The following ROPN1 variants were observed in gnomAD, a reference collection of about 807,000 sequenced individuals.
The protein encoded by ROPN1 is ropporin-1A.
ROPN1 carries 14 observed loss-of-function variants against 20.5 expected under a neutral mutation model. The ratio of observed to expected loss-of-function variants is 0.68; its 90% CI spans 0.45 to 1.07. ROPN1 has a LOEUF of 1.07. ROPN1 is among the 50% of genes least tolerant of loss of function. The pLI is 0.00. For synonymous variants in ROPN1, 76 were observed against 95.7 expected, an observed-to-expected ratio of 0.79 and a Z score of 1.20; for missense variants, 169 against 242.8, an observed-to-expected ratio of 0.70 and a Z score of 2.02.
intron 1 of ROPN1, among the ~76,000 whole-genome samples, chr3:123,986,326 A>G (rs1376718414): frequency 6.6e-6 from 1 of 152,090 alleles, no homozygotes; most frequent in African/African-American, 2.4e-5. Context: ...ATTATTACAA[A>G]AATGGTTTCC....
At chr3:123,985,790 G>C (rs191886492) in intron 1 of ROPN1, among the ~76,000 whole-genome samples, 1 of 151,658 alleles carries the variant, frequency 6.6e-6, no homozygotes, top group Non-Finnish European at 1.5e-5. Flanking sequence ...TGAGGTGGGC[G>C]GATCACTTGA....
chr3:123,980,704 A>G, intron 1 of ROPN1: 1 of 463,882 alleles, frequency 2.2e-6, no homozygotes, highest in Non-Finnish European at 3.8e-6. Flanking sequence ...CTTTACATAA[A>G]AATTACACAG....
At chr3:123,983,670 C>T (rs565327809) in intron 1 of ROPN1, among the ~76,000 whole-genome samples, 4 of 152,276 alleles carry the variant, frequency 2.6e-5, no homozygotes, top group South Asian at 4.1e-4. Flanking sequence ...CCTTCTTTAA[C>T]CTCTTGCAGT....
intron 1 of ROPN1, among the ~76,000 whole-genome samples, chr3:123,988,921 A>G (rs1013991441): frequency 1.3e-5 from 2 of 151,922 alleles, no homozygotes; most frequent in African/African-American, 2.4e-5. Context: ...GAAGAAAAAC[A>G]GAAGAAAAAC....
intron 1 of ROPN1, among the ~76,000 whole-genome samples, chr3:123,988,137 C>T (rs563387707): frequency 1.3e-5 from 2 of 150,940 alleles, no homozygotes; most frequent in East Asian, 4.1e-4. Context: ...TCATCTTTTA[C>T]TTGTCCTTCC....
chr3:123,982,481 G>A (rs1415138097), intron 1 of ROPN1, among the ~76,000 whole-genome samples: 2 of 152,134 alleles, frequency 1.3e-5, no homozygotes, highest in Admixed American at 1.3e-4. Context: ...AATACAACAA[G>A]GGTCTCAGTA....
chr3:123,984,971 A>C (rs6779126), intron 1 of ROPN1, among the ~76,000 whole-genome samples: 20,235 of 152,178 alleles, frequency 0.13, 3,270 homozygotes, highest in African/African-American at 0.36. Flanking sequence ...TATTGTTTGT[A>C]GTATGCATAT....
In ROPN1 at chr3:123,969,922, A is replaced by G. The variant is rs2037881382; in HGVS notation, c.572+120T>C. 10 of 960,554 alleles carry G rather than the reference A, an allele frequency of 1.0e-5. 1 individual carries two copies. The highest frequency in any genetic ancestry group is 4.4e-4 in the Middle Eastern group (2 of 4,582). 59.5% of individuals were successfully genotyped at this position (960,554 alleles called of 1,614,324 possible). ...TTTTCTTTCAGATCATCCATATTTC[A>G]TGTTTCTCACAATACTTTTCTGTTT... is the stretch of plus-strand genomic sequence containing the variant. On this transcript the variant is annotated intron_variant, in intron 5 of 5. Transcript: ENST00000405845.
intron 4 of ROPN1, among the ~76,000 whole-genome samples, chr3:123,972,610 G>A (rs185154139): frequency 5.3e-5 from 8 of 152,294 alleles, no homozygotes; most frequent in Non-Finnish European, 8.8e-5. Context: ...GCATGCCATC[G>A]CATTCTGAAT....
At chr3:123,986,205 T>C (rs2038251913) in intron 1 of ROPN1, among the ~76,000 whole-genome samples, 1 of 151,248 alleles carries the variant, frequency 6.6e-6, no homozygotes. Flanking sequence ...CTTTGAAAAC[T>C]GATTTGTTGT....
At chr3:123,982,193 A>C (rs770197387) in intron 1 of ROPN1, among the ~76,000 whole-genome samples, 2 of 152,244 alleles carry the variant, frequency 1.3e-5, no homozygotes, top group Non-Finnish European at 2.9e-5. Flanking sequence ...GGCAAAATGC[A>C]CTATTAGGAA....
rs781195150 is a variant in ROPN1, at chr3:123,976,951, C to T, written c.147G>A (p.Thr49=). 71 of 1,613,934 alleles carry T rather than the reference C, an allele frequency of 4.4e-5. No individual in the cohort carries two copies. Among genetic ancestry groups the T allele is most frequent in the Admixed American group, 6.7e-5 (4 of 60,000 alleles). ...DYFEALSRGE[T]PPVRERSERV... ...GCTCAGACCGCTCTCTCACCGGAGGCGTCTCTCCACGGGACAGGGCCTCAA... is the reference window on the plus strand; with the variant it reads ...GCTCAGACCGCTCTCTCACCGGAGGTGTCTCTCCACGGGACAGGGCCTCAA... Residue 49 remains threonine (T), a synonymous_variant, in exon 3 of 6, where the codon ACG becomes ACA. Coordinates refer to ENST00000405845, the MANE Select transcript of ROPN1 (RefSeq NM_001317774.2).
Position 123,970,204 on chromosome 3 carries a change from GT to G in ROPN1, c.409del (p.Thr137LeufsTer4). ...TAAGACCTCACACACTATCTTGAGA[GT>G]TTTGGTAATAGTCTATAAAAGTTAG... ...CSALGVTITKTLKIVCEVLSC... is the reference protein window; with the variant it reads ...CSALGVTITKXLKIVCEVLSC... On this transcript the variant is annotated frameshift_variant, in exon 5 of 6. Coordinates refer to ENST00000405845, the MANE Select transcript of ROPN1 (RefSeq NM_001317774.2). LOFTEE classifies it high-confidence loss of function. 6.2e-7 allele frequency: 1 copy of G among 1,613,620 alleles called. No homozygotes were observed. Among genetic ancestry groups the G allele is most frequent in the Non-Finnish European group, 8.5e-7 (1 of 1,179,632 alleles).
intron 1 of ROPN1, among the ~76,000 whole-genome samples, chr3:123,988,324 T>C (rs1249012710): frequency 6.6e-6 from 1 of 152,144 alleles, no homozygotes; most frequent in East Asian, 1.9e-4. Context: ...TTTTGTATTT[T>C]TAGTAGAGAC....
chr3:123,972,602 A>G (rs1028808305), intron 4 of ROPN1, among the ~76,000 whole-genome samples: 3 of 152,344 alleles, frequency 2.0e-5, no homozygotes, highest in South Asian at 2.1e-4. Flanking sequence ...ACAGGTCTGC[A>G]TGCCATCGCA....
At chr3:123,985,992 C>CAAAAAAAAAAAAAAAAAAAAAAAAA (rs35677015) in intron 1 of ROPN1, among the ~76,000 whole-genome samples, 4 of 22,138 alleles carry the variant, frequency 1.8e-4, no homozygotes, top group African/African-American at 3.6e-4. Context: ...GACCTTGTCT[C>CAAAAAAAAAAAAAAAAAAAAAAAAA]AAAAAAAAAA....
intron 1 of ROPN1, among the ~76,000 whole-genome samples, chr3:123,990,091 C>T (rs986451970): frequency 4.6e-5 from 7 of 152,124 alleles, no homozygotes; most frequent in Non-Finnish European, 7.3e-5. Context: ...TGACTGACAG[C>T]TGTGTGGATG....
chr3:123,970,632 T>C (rs1175329116), intron 4 of ROPN1, among the ~76,000 whole-genome samples: 2 of 152,184 alleles, frequency 1.3e-5, no homozygotes, highest in Non-Finnish European at 2.9e-5. Flanking sequence ...TCCAGCAGGA[T>C]ACTTGTGGCA....
At chr3:123,981,769 G>C (rs560730380) in intron 1 of ROPN1, among the ~76,000 whole-genome samples, 61 of 152,238 alleles carry the variant, frequency 4.0e-4, no homozygotes, top group African/African-American at 1.4e-3. Flanking sequence ...CTTTATTTAT[G>C]TTCTTTTATT....
Sources: gnomAD v4.1 joint callset for allele counts (sites outside exome capture counted in the v4.1 genomes callset) on GRCh38, gnomAD v4.1.1 for gene constraint, MANE v1.5 for transcripts, NCBI Gene and HGNC (gene_info 2026-07-23, HGNC 2026-07-21) for gene names.